ATXN7L1: variants seen among roughly 807,000 people sequenced by gnomAD.
ATXN7L1 encodes ataxin-7-like protein 1.
In ATXN7L1, 15 loss-of-function variants were observed where a neutral mutation model predicts 70.8. That is an observed-to-expected ratio of 0.21 (90% CI 0.14 to 0.33). The LOEUF (loss-of-function observed/expected upper bound fraction) is 0.33, where lower values mean the gene tolerates loss of function less well. ATXN7L1 is among the 10% of genes least tolerant of loss of function. The pLI is 1.00. For missense variants in ATXN7L1, 975 were observed against 1,097.1 expected (o/e 0.89, Z 1.57); for synonymous variants, 440 against 445.1 (o/e 0.99, Z 0.14).
intron 3 of ATXN7L1, among the ~76,000 whole-genome samples, chr7:105,730,119 T>C (rs1796366060): frequency 6.6e-6 from 1 of 152,142 alleles, no homozygotes; most frequent in Non-Finnish European, 1.5e-5. Flanking sequence ...CAGGAGAGGC[T>C]GTGGGAGAAG....
At chr7:105,639,868 A>G (rs1000319175) in intron 5 of ATXN7L1, among the ~76,000 whole-genome samples, 5 of 152,200 alleles carry the variant, frequency 3.3e-5, no homozygotes, top group Non-Finnish European at 5.9e-5. Flanking sequence ...GAAGGGAAGG[A>G]GAGGAGCCGT....
rs181063972 is a variant in ATXN7L1 at position 105,855,103 on chromosome 7, C to T, written c.250+20709G>A. Among the ~76,000 whole-genome samples the T allele has an allele frequency of 4.6e-5, 7 of 152,144 alleles. No individual in the cohort carries two copies. The East Asian group carries it at 5.8e-4, about 13-fold the overall frequency. ...CCAAGTAGCTGGAACTACAGGTGTGCGCCACCACGCCCAGCTAATTTTTGT... is the reference window on the plus strand; with the variant it reads ...CCAAGTAGCTGGAACTACAGGTGTGTGCCACCACGCCCAGCTAATTTTTGT... On this transcript the variant is annotated intron_variant, in intron 2 of 11. Coordinates refer to ENST00000419735, the MANE Select transcript of ATXN7L1 (RefSeq NM_020725.2).
intron 3 of ATXN7L1, chr7:105,679,067 T>G: frequency 5.1e-6 from 5 of 985,840 alleles, no homozygotes; most frequent in Non-Finnish European, 6.0e-6. Context: ...CCGGGGAGGC[T>G]GCCTTGCCGT....
intron 10 of ATXN7L1, among the ~76,000 whole-genome samples, chr7:105,612,070 C>A (rs1793206374): frequency 6.6e-6 from 1 of 152,192 alleles, no homozygotes; most frequent in African/African-American, 2.4e-5. Context: ...ATTTACTAAG[C>A]ATTTCCTACA....
At chr7:105,869,936 G>A (rs1450559961) in intron 2 of ATXN7L1, among the ~76,000 whole-genome samples, 2 of 151,962 alleles carry the variant, frequency 1.3e-5, no homozygotes, top group Middle Eastern at 3.2e-3. Flanking sequence ...AGTATTATTC[G>A]ACAGCTATTG....
In ATXN7L1 at chr7:105,741,124, G is replaced by A. The variant is rs1400318784; in HGVS notation, c.355+47480C>T. Among the ~76,000 whole-genome samples the A allele has an allele frequency of 5.3e-5, 8 of 152,202 alleles. No homozygotes were observed. In the East Asian group the frequency reaches 1.2e-3, roughly 22 times the overall value. ...AGAACCCTAAGCCCCAGAAAGGCAG[G>A]TCCAAGTTCACGCGGCTGGGCTGCA... is the stretch of plus-strand genomic sequence containing the variant. On this transcript the variant is annotated intron_variant, in intron 3 of 11. Transcript: ENST00000419735.
rs1804197091 is a variant in ATXN7L1, at chr7:105,673,948, G to C, written c.356-8660C>G. On this transcript the variant is annotated intron_variant, in intron 3 of 11. Coordinates refer to ENST00000419735, the MANE Select transcript of ATXN7L1 (RefSeq NM_020725.2). Reference sequence around the variant, plus strand: ...CAGCAGAGGAGGAAATGAAGACACAGGAAAGTCAGGTGATAGGACAGGCTG... The same window carrying C: ...CAGCAGAGGAGGAAATGAAGACACACGAAAGTCAGGTGATAGGACAGGCTG... Among the ~76,000 whole-genome samples the C allele has an allele frequency of 5.3e-5, 8 of 152,360 alleles. No individual in the cohort carries two copies. The South Asian group carries it at 1.7e-3, about 32-fold the overall frequency.
intron 3 of ATXN7L1, among the ~76,000 whole-genome samples, chr7:105,709,336 C>CA (rs1481676822): frequency 2.7e-5 from 4 of 149,084 alleles, no homozygotes; most frequent in Admixed American, 6.7e-5. Flanking sequence ...CTCTGTCTCA[C>CA]AAAAAAAAGA....
intron 2 of ATXN7L1, among the ~76,000 whole-genome samples, chr7:105,872,182 T>C (rs10241127): frequency 0.34 from 51,667 of 151,716 alleles, 10,036 homozygotes; most frequent in African/African-American, 0.52. Flanking sequence ...TTAGTAGAGA[T>C]GGGGTTTCAC....
intron 3 of ATXN7L1, among the ~76,000 whole-genome samples, chr7:105,692,850 G>A (rs1470253796): frequency 1.3e-5 from 2 of 151,650 alleles, no homozygotes; most frequent in Admixed American, 6.6e-5. Flanking sequence ...CGATCCTCCC[G>A]ATTCAGCCTC....
At chr7:105,629,419 T>C (rs953882630) in intron 7 of ATXN7L1, among the ~76,000 whole-genome samples, 5 of 151,138 alleles carry the variant, frequency 3.3e-5, no homozygotes, top group Admixed American at 2.0e-4. Flanking sequence ...ATCCATGTTG[T>C]TGAAGATGGC....
rs533366742 is a variant in ATXN7L1 at position 105,772,063 on chromosome 7, A to ATTTTTTTT, written c.355+16533_355+16540dup. 1.0e-4 allele frequency among the ~76,000 whole-genome samples: 10 copies of ATTTTTTTT among 99,828 alleles called. 1 individual carries two copies. The East Asian group carries it at 1.2e-3, about 12-fold the overall frequency. The allele number at this position is 99,828 out of a possible 152,430, so 65.5% of individuals were successfully genotyped here. On this transcript the variant is annotated intron_variant, in intron 3 of 11. Transcript: ENST00000419735. The stretch of plus-strand genomic sequence containing the variant: ...TATTAAAAGACAATATCAGATTGGA[A>ATTTTTTTT]TTTTTTTTTTTTTTTTTTTTTTTTT...
chr7:105,644,350 C>A (rs1047453639), intron 4 of ATXN7L1, among the ~76,000 whole-genome samples: 1 of 152,142 alleles, frequency 6.6e-6, no homozygotes, highest in African/African-American at 2.4e-5. Flanking sequence ...CAGATCTTTG[C>A]CAGCGAGAAG....
At chr7:105,759,446 G>T (rs1472202626) in intron 3 of ATXN7L1, among the ~76,000 whole-genome samples, 1 of 113,072 alleles carries the variant, frequency 8.8e-6, no homozygotes, top group Non-Finnish European at 1.8e-5. Context: ...AGCTTGGATA[G>T]TGAGTGTGTG....
rs1176544010 is a variant in ATXN7L1, at chr7:105,614,916, C to G, written c.1518-100G>C. The G allele has an allele frequency of 5.9e-6, 8 of 1,351,076 alleles. No individual in the cohort carries two copies. Among genetic ancestry groups the G allele is most frequent in the Middle Eastern group, 2.6e-4 (1 of 3,796 alleles). 83.7% of individuals were successfully genotyped at this position (1,351,076 alleles called of 1,614,324 possible). On this transcript the variant is annotated intron_variant, in intron 9 of 11. Transcript: ENST00000419735. This position sits in a 1 kb window ranked among gnomAD's most constrained non-coding sequence, Gnocchi z 4.3. ...TGAGGATCAGGGCTACAGAGGACAC[C>G]CCGGCAGAACCAGACTATGGAGAAT... is the stretch of plus-strand genomic sequence containing the variant.
At chr7:105,661,495 A>C (rs1283968520) in intron 4 of ATXN7L1, among the ~76,000 whole-genome samples, 1 of 152,196 alleles carries the variant, frequency 6.6e-6, no homozygotes, top group Non-Finnish European at 1.5e-5. Flanking sequence ...AGAATTTCAA[A>C]ATATTCAGGC....
At chr7:105,713,110 G>C (rs1302094123) in intron 3 of ATXN7L1, among the ~76,000 whole-genome samples, 1 of 152,138 alleles carries the variant, frequency 6.6e-6, no homozygotes, top group Non-Finnish European at 1.5e-5. Context: ...GAGAGTGATG[G>C]GGGAAGTGCT....
chr7:105,639,419 T>C (rs1797858676), intron 6 of ATXN7L1, 68 bp downstream of exon 6: 3 of 1,230,412 alleles, frequency 2.4e-6, no homozygotes, highest in Non-Finnish European at 3.5e-6. Flanking sequence ...GTGCAGAGAG[T>C]GGCATGCAAA....
At chr7:105,800,935 T>C (rs1030190712) in intron 2 of ATXN7L1, among the ~76,000 whole-genome samples, 3 of 152,238 alleles carry the variant, frequency 2.0e-5, no homozygotes, top group African/African-American at 7.2e-5. Context: ...AAAGGAACAC[T>C]ATTTTACAGA....
Sources: gnomAD v4.1 joint callset for allele counts (sites outside exome capture counted in the v4.1 genomes callset) on GRCh38, gnomAD v4.1.1 for gene constraint, Gnocchi (gnomAD v3.1) non-coding constraint, MANE v1.5 for transcripts, NCBI Gene and HGNC (gene_info 2026-07-23, HGNC 2026-07-21) for gene names.